Variants in SHISA9 observed in about 807,000 individuals in gnomAD.
The protein encoded by SHISA9 is shisa family member 9.
In SHISA9, 13 loss-of-function variants were observed where a neutral mutation model predicts 38.0. The observed-to-expected ratio is 0.34, with a 90% CI of 0.22 to 0.54. The LOEUF is 0.54. Among genes scored for constraint, SHISA9 ranks in the 20% least tolerant of loss-of-function variants. The pLI is 0.91. For synonymous variants in SHISA9, 275 were observed against 242.0 expected, an observed-to-expected ratio of 1.14 and a Z score of -1.27; for missense variants, 538 against 575.8, an observed-to-expected ratio of 0.93 and a Z score of 0.67.
At chr16:13,007,404 A>G (rs1260755635) in intron 2 of SHISA9, among the ~76,000 whole-genome samples, 1 of 151,952 alleles carries the variant, frequency 6.6e-6, no homozygotes, top group Non-Finnish European at 1.5e-5. Flanking sequence ...CATCTCCTAC[A>G]GCCTCCTTTT....
chr16:13,449,336 T>C, the SHISA9 span, among the ~76,000 whole-genome samples: 1 of 152,234 alleles, frequency 6.6e-6, no homozygotes, highest in Non-Finnish European at 1.5e-5. Flanking sequence ...TATCTTTTTG[T>C]CATTGTCTAA....
chr16:13,280,053 A>T, the SHISA9 span, among the ~76,000 whole-genome samples: 6 of 149,360 alleles, frequency 4.0e-5, no homozygotes, highest in African/African-American at 1.5e-4. Context: ...TATTCATGGG[A>T]TCAGAGTAGT....
chr16:13,362,083 G>A, the SHISA9 span, among the ~76,000 whole-genome samples: 1 of 151,964 alleles, frequency 6.6e-6, no homozygotes, highest in African/African-American at 2.4e-5. Context: ...ATAGCTCCTG[G>A]CTGGCTGCAG....
At chr16:12,978,565 A>G (rs1220723031) in intron 2 of SHISA9, among the ~76,000 whole-genome samples, 1 of 152,204 alleles carries the variant, frequency 6.6e-6, no homozygotes, top group African/African-American at 2.4e-5. Flanking sequence ...AACAACAATT[A>G]AGGACATCAA....
chr16:13,143,918 A>T (rs965887683), intron 2 of SHISA9, among the ~76,000 whole-genome samples: 1 of 152,092 alleles, frequency 6.6e-6, no homozygotes, highest in Admixed American at 6.5e-5. Context: ...ATAAATTAGG[A>T]CTTATTTTAT....
chr16:13,172,094 C>G (rs903547036), intron 2 of SHISA9, among the ~76,000 whole-genome samples: 22 of 152,008 alleles, frequency 1.4e-4, no homozygotes, highest in African/African-American at 5.3e-4. Flanking sequence ...CTCTCTTCTG[C>G]CTTTATAAAA....
the SHISA9 span, among the ~76,000 whole-genome samples, chr16:13,393,344 C>T: frequency 6.6e-6 from 1 of 152,146 alleles, no homozygotes; most frequent in Non-Finnish European, 1.5e-5. Flanking sequence ...TGCACTGGGC[C>T]CCCCAAAATT....
intron 2 of SHISA9, among the ~76,000 whole-genome samples, chr16:12,989,509 T>C (rs2141830948): frequency 6.6e-6 from 1 of 152,222 alleles, no homozygotes; most frequent in East Asian, 1.9e-4. Flanking sequence ...AGTGTGGCTC[T>C]TTGGATTTTC....
the SHISA9 span, among the ~76,000 whole-genome samples, chr16:13,459,089 G>T: frequency 6.6e-6 from 1 of 151,956 alleles, no homozygotes; most frequent in East Asian, 1.9e-4. Context: ...GCTGACCTCA[G>T]GTGAGCCACC....
At chr16:13,105,756 C>G (rs1328951400) in intron 2 of SHISA9, among the ~76,000 whole-genome samples, 2 of 152,206 alleles carry the variant, frequency 1.3e-5, no homozygotes, top group African/African-American at 4.8e-5. Flanking sequence ...GGCTGACAGA[C>G]TCCATCCTTA....
chr16:12,993,178 C>G (rs1469843163), intron 2 of SHISA9, among the ~76,000 whole-genome samples: 1 of 152,086 alleles, frequency 6.6e-6, no homozygotes, highest in Non-Finnish European at 1.5e-5. Context: ...CTCCCAGGCA[C>G]CTACCCTCAT....
At chr16:13,183,549 CT>C (rs1213328180) in intron 2 of SHISA9, among the ~76,000 whole-genome samples, 1 of 152,226 alleles carries the variant, frequency 6.6e-6, no homozygotes, top group Non-Finnish European at 1.5e-5. Flanking sequence ...CAGAAATGAT[CT>C]CCCAACTGAG....
chr16:12,941,886 A>T (rs1440023879), intron 2 of SHISA9, among the ~76,000 whole-genome samples: 1 of 152,230 alleles, frequency 6.6e-6, no homozygotes, highest in African/African-American at 2.4e-5. Context: ...CATTTTGATT[A>T]TAGTCACCCT....
chr16:13,165,334 C>G (rs1402568696), intron 2 of SHISA9, among the ~76,000 whole-genome samples: 6 of 152,142 alleles, frequency 3.9e-5, no homozygotes, highest in Non-Finnish European at 8.8e-5. Flanking sequence ...TTCCAGTTTA[C>G]TAACATTTTC....
intron 2 of SHISA9, among the ~76,000 whole-genome samples, chr16:13,051,356 C>T (rs940445071): frequency 1.3e-5 from 2 of 152,176 alleles, no homozygotes; most frequent in Admixed American, 6.5e-5. Context: ...GGGGAAACCA[C>T]CCCGATGATG....
At chr16:12,996,386 C>G (rs1463492838) in intron 2 of SHISA9, among the ~76,000 whole-genome samples, 2 of 152,190 alleles carry the variant, frequency 1.3e-5, no homozygotes, top group Non-Finnish European at 2.9e-5. Context: ...CCCCTTTAAA[C>G]AGGGCTCTGT....
intron 2 of SHISA9, among the ~76,000 whole-genome samples, chr16:13,103,075 T>C (rs1383253124): frequency 6.6e-6 from 1 of 152,176 alleles, no homozygotes; most frequent in African/African-American, 2.4e-5. Context: ...AGCCTGAGAG[T>C]AGTTGATTCA....
chr16:13,382,915 A>C, the SHISA9 span, among the ~76,000 whole-genome samples: 1 of 152,182 alleles, frequency 6.6e-6, no homozygotes, highest in African/African-American at 2.4e-5. Context: ...TTTTTTGATA[A>C]GAAAAAGAAT....
the SHISA9 span, among the ~76,000 whole-genome samples, chr16:13,342,378 C>G: frequency 6.6e-6 from 1 of 152,256 alleles, no homozygotes; most frequent in East Asian, 1.9e-4. Flanking sequence ...ACCTCCATCT[C>G]CTGGGTTCAA....
Sources: allele counts gnomAD v4.1 joint callset (sites outside exome capture counted in the v4.1 genomes callset), GRCh38; gene constraint gnomAD v4.1.1; transcripts MANE v1.5; gene names NCBI Gene and HGNC (gene_info 2026-07-23, HGNC 2026-07-21).